FER: variants seen among roughly 807,000 people sequenced by gnomAD.
FER encodes tyrosine-protein kinase Fer.
Under a neutral mutation model 111.0 loss-of-function variants are expected in FER, and 63 were observed. That is an observed-to-expected ratio of 0.57 (90% CI 0.46 to 0.70). FER has a LOEUF of 0.70. Among genes scored for constraint, FER ranks in the 30% least tolerant of loss-of-function variants. The probability of loss-of-function intolerance (pLI) is 0.00; values close to 1 mark genes in which losing one functional copy is unlikely to be tolerated. For missense variants in FER, 914 were observed against 954.0 expected, an observed-to-expected ratio of 0.96 and a Z score of 0.55; for synonymous variants, 327 against 313.9, an observed-to-expected ratio of 1.04 and a Z score of -0.44.
At chr5:109,146,414 G>A (rs1754225429) in intron 17 of FER, among the ~76,000 whole-genome samples, 2 of 149,974 alleles carry the variant, frequency 1.3e-5, no homozygotes, top group African/African-American at 4.9e-5. Flanking sequence ...CGTTAAAGAG[G>A]TTAAATATCT....
At chr5:108,992,680 T>C (rs910819588) in intron 13 of FER, among the ~76,000 whole-genome samples, 2 of 145,104 alleles carry the variant, frequency 1.4e-5, no homozygotes, top group African/African-American at 2.5e-5. Flanking sequence ...TGGCGGGGGC[T>C]GACCCCCACC....
At chr5:109,052,780 G>C (rs1773025872) in intron 16 of FER, among the ~76,000 whole-genome samples, 1 of 152,136 alleles carries the variant, frequency 6.6e-6, no homozygotes, top group African/African-American at 2.4e-5. Context: ...TAGGGATCCA[G>C]GTATTAGAGT....
At chr5:108,804,833 A>G (rs1757029508) in intron 3 of FER, among the ~76,000 whole-genome samples, 1 of 152,112 alleles carries the variant, frequency 6.6e-6, no homozygotes, top group Admixed American at 6.6e-5. Flanking sequence ...AAGTTTTGGT[A>G]TCAGTGTGAT....
At chr5:108,804,418 A>T (rs558850058) in intron 3 of FER, among the ~76,000 whole-genome samples, 1 of 152,076 alleles carries the variant, frequency 6.6e-6, no homozygotes, top group Non-Finnish European at 1.5e-5. Context: ...CCAGTTCTCA[A>T]GGGGAATAGC....
At chr5:108,913,502 A>G (rs1403866288) in intron 10 of FER, among the ~76,000 whole-genome samples, 1 of 152,198 alleles carries the variant, frequency 6.6e-6, no homozygotes, top group African/African-American at 2.4e-5. Context: ...GCAAAGTAGA[A>G]ATTTGGCATA....
chr5:108,883,635 G>A (rs919791415), intron 9 of FER, 117 bp downstream of exon 9: 1 of 927,446 alleles, frequency 1.1e-6, no homozygotes. Flanking sequence ...TTTATTTTAA[G>A]TATGAAGTTT....
rs894265541 is a variant in FER at position 109,172,589 on chromosome 5, C to G, written c.2049-8158C>G. 1.8e-3 allele frequency among the ~76,000 whole-genome samples: 268 copies of G among 151,114 alleles called. 1 individual carries two copies. The highest frequency in any genetic ancestry group is 5.8e-3 in the African/African-American group (238 of 41,152). ...GCATGGCACATGTATACATATGTAA[C>G]TAACCTGCACATTGTGCACATGTAC... On this transcript the variant is annotated intron_variant, in intron 17 of 19. Coordinates refer to ENST00000281092, the MANE Select transcript of FER (RefSeq NM_005246.4).
chr5:108,965,744 A>AT (rs1759723785), intron 13 of FER, among the ~76,000 whole-genome samples: 1 of 152,132 alleles, frequency 6.6e-6, no homozygotes, highest in Non-Finnish European at 1.5e-5. Context: ...CTTAACAAAA[A>AT]TTTTTTCTAT....
At chr5:108,994,277 A>G (rs1330646322) in intron 13 of FER, among the ~76,000 whole-genome samples, 1 of 152,098 alleles carries the variant, frequency 6.6e-6, no homozygotes, top group Admixed American at 6.5e-5. Flanking sequence ...ATCTTGAGTT[A>G]ATTTTTGTAT....
intron 17 of FER, among the ~76,000 whole-genome samples, chr5:109,157,506 G>A (rs72798564): frequency 0.028 from 4,241 of 150,692 alleles, 75 homozygotes; most frequent in Middle Eastern, 0.092. Flanking sequence ...GATCACTGGC[G>A]ATGAGTTCTG....
intron 2 of FER, among the ~76,000 whole-genome samples, chr5:108,790,857 A>T (rs190008888): frequency 6.6e-6 from 1 of 152,360 alleles, no homozygotes; most frequent in Admixed American, 6.5e-5. Context: ...TCTAGTTTAT[A>T]GATTTGCCCA....
intron 13 of FER, among the ~76,000 whole-genome samples, chr5:108,962,753 TATA>T (rs1759304915): frequency 6.6e-6 from 1 of 152,212 alleles, no homozygotes; most frequent in Admixed American, 6.5e-5. Flanking sequence ...GTTAATCTCA[TATA>T]ATATTATTGT....
chr5:108,998,053 A>T (rs1764225579), intron 13 of FER, among the ~76,000 whole-genome samples: 1 of 151,936 alleles, frequency 6.6e-6, no homozygotes, highest in African/African-American at 2.4e-5. Flanking sequence ...ATGCCAGTGG[A>T]TCTTAGCTTG....
chr5:108,989,336 C>T (rs892783915), intron 13 of FER, among the ~76,000 whole-genome samples: 5 of 151,998 alleles, frequency 3.3e-5, no homozygotes, highest in African/African-American at 9.7e-5. Flanking sequence ...GACCAACAAC[C>T]TTTGCCAAAC....
intron 13 of FER, among the ~76,000 whole-genome samples, chr5:109,012,977 G>A (rs1036744357): frequency 3.3e-5 from 5 of 151,320 alleles, no homozygotes; most frequent in South Asian, 2.1e-4. Context: ...TTGGCTGAAC[G>A]TGTGGAGCGG....
intron 17 of FER, among the ~76,000 whole-genome samples, chr5:109,107,483 CACCCTCT>C (rs1300331014): frequency 6.6e-6 from 1 of 152,108 alleles, no homozygotes; most frequent in Non-Finnish European, 1.5e-5. Flanking sequence ...TCCCTCCCTC[CACCCTCT>C]ACCCTCAAGT....
chr5:109,146,253 A>AATATATATATAT lies in FER; in HGVS notation c.2049-34467_2049-34456dup, dbSNP rs6149172. 4.8e-3 allele frequency among the ~76,000 whole-genome samples: 203 copies of AATATATATATAT among 41,934 alleles called. 5 individuals are homozygous for AATATATATATAT. The highest frequency in any genetic ancestry group is 8.2e-3 in the African/African-American group (90 of 10,970). 27.5% of individuals were successfully genotyped at this position (41,934 alleles called of 152,430 possible). A position where few individuals can be genotyped will look rare whatever the true frequency, so the allele number is the denominator to read the frequency against. ...TATCTAATATATATATAATCTATCT[A>AATATATATATAT]ATATATATATATATATATATATATA... On this transcript the variant is annotated intron_variant, in intron 17 of 19. Transcript: ENST00000281092.
At chr5:108,960,764 T>C (rs1349043335) in intron 13 of FER, among the ~76,000 whole-genome samples, 2 of 152,220 alleles carry the variant, frequency 1.3e-5, no homozygotes, top group African/African-American at 4.8e-5. Context: ...ACTGTGCTTA[T>C]CACCTTTAAC....
At chr5:109,079,312 C>G (rs2150015314) in intron 16 of FER, among the ~76,000 whole-genome samples, 1 of 152,122 alleles carries the variant, frequency 6.6e-6, no homozygotes, top group African/African-American at 2.4e-5. Context: ...AAAAAACTTT[C>G]ACAAGGGACG....
Sources: allele counts gnomAD v4.1 joint callset (sites outside exome capture counted in the v4.1 genomes callset), GRCh38; gene constraint gnomAD v4.1.1; transcripts MANE v1.5; gene names NCBI Gene and HGNC (gene_info 2026-07-23, HGNC 2026-07-21).